CACNA1D: variants seen among roughly 807,000 people sequenced by gnomAD.
The protein encoded by CACNA1D is calcium voltage-gated channel subunit alpha1 D.
A neutral mutation model predicts 257.1 loss-of-function variants in CACNA1D; 55 were observed. The ratio of observed to expected loss-of-function variants is 0.21; its 90% confidence interval spans 0.17 to 0.27. CACNA1D has a LOEUF of 0.27. Among genes scored for constraint, CACNA1D ranks in the 10% least tolerant of loss-of-function variants. CACNA1D has a pLI of 1.00. For synonymous variants in CACNA1D, 980 were observed against 1,014.9 expected, an observed-to-expected ratio of 0.97 and a Z score of 0.65; for missense variants, 1,876 against 2,784.0, an observed-to-expected ratio of 0.67 and a Z score of 7.34.
At position 53,774,924 on chromosome 3, in the gene CACNA1D, G is replaced by A. The variant is rs1271768439; in HGVS notation, c.4202+246G>A. On this transcript the variant is annotated intron_variant, in intron 34 of 47. Coordinates refer to ENST00000350061, the MANE Select transcript of CACNA1D (RefSeq NM_001128840.3). This position sits in a 1 kb window ranked among gnomAD's most constrained non-coding sequence, Gnocchi z 4.3. ...GGCTGGCATAAGGTTTATTCATTTG[G>A]GAGTTAGTAGGGCTACTTAGGCCAC... Among the ~76,000 whole-genome samples the A allele has an allele frequency of 6.6e-6, 1 of 152,192 alleles. No individual in the cohort carries two copies. Among genetic ancestry groups the A allele is most frequent in the Non-Finnish European group, 1.5e-5 (1 of 68,028 alleles).
At chr3:53,530,987 A>C (rs372883769) in intron 3 of CACNA1D, among the ~76,000 whole-genome samples, 4 of 150,538 alleles carry the variant, frequency 2.7e-5, no homozygotes, top group Non-Finnish European at 5.9e-5. Context: ...AGCTGGGACT[A>C]TAAGAGTCCC....
chr3:53,718,288 C>T lies in CACNA1D; in HGVS notation c.1391-13C>T. On this transcript the variant is annotated splice_polypyrimidine_tract_variant and intron_variant, in intron 9 of 47. Transcript: ENST00000350061. ...GCCCCGCATGCTCTCTGAAGCCCGTCTTCTCCCCACAGCTAGCATGCCCAC... is the reference window on the plus strand; with the variant it reads ...GCCCCGCATGCTCTCTGAAGCCCGTTTTCTCCCCACAGCTAGCATGCCCAC... The T allele has an allele frequency of 1.2e-6, 2 of 1,612,270 alleles. No homozygotes were observed. Among genetic ancestry groups the T allele is most frequent in the Non-Finnish European group, 1.7e-6 (2 of 1,178,430 alleles).
At chr3:53,592,609 G>A (rs1276299484) in intron 3 of CACNA1D, among the ~76,000 whole-genome samples, 3 of 152,144 alleles carry the variant, frequency 2.0e-5, no homozygotes, top group Non-Finnish European at 4.4e-5. Flanking sequence ...TTTAAGGAGG[G>A]ACACTTGCCT....
intron 39 of CACNA1D, chr3:53,785,409 G>A (rs1158045807): frequency 6.6e-6 from 1 of 152,130 alleles, no homozygotes; most frequent in Non-Finnish European, 1.5e-5. Context: ...ACACTGAGTG[G>A]CTTCTGACAG....
chr3:53,633,010 C>G (rs2093839604), intron 3 of CACNA1D, among the ~76,000 whole-genome samples: 1 of 152,100 alleles, frequency 6.6e-6, no homozygotes, highest in Non-Finnish European at 1.5e-5. Context: ...ACCAATAGAC[C>G]CGCTTGTTGC....
chr3:53,805,523 T>A (rs1373971926), intron 45 of CACNA1D, among the ~76,000 whole-genome samples: 3 of 152,160 alleles, frequency 2.0e-5, no homozygotes, highest in African/African-American at 7.2e-5. Flanking sequence ...CTGCACTCTG[T>A]GATGGGGTGA....
chr3:53,635,370 G>A (rs1335786276), intron 3 of CACNA1D, among the ~76,000 whole-genome samples: 1 of 152,198 alleles, frequency 6.6e-6, no homozygotes, highest in African/African-American at 2.4e-5. Flanking sequence ...GGCTTAGGGT[G>A]GGGAGGGGAT....
intron 3 of CACNA1D, among the ~76,000 whole-genome samples, chr3:53,634,663 A>C (rs1448199033): frequency 2.6e-5 from 4 of 152,322 alleles, no homozygotes; most frequent in African/African-American, 9.6e-5. Flanking sequence ...CCTTCTGTGT[A>C]ACATTCACAA....
intron 3 of CACNA1D, among the ~76,000 whole-genome samples, chr3:53,576,152 A>T (rs1238189081): frequency 1.3e-5 from 2 of 152,120 alleles, no homozygotes; most frequent in African/African-American, 4.8e-5. Context: ...CCACAGTGGG[A>T]GCATGCTGCT....
At chr3:53,611,250 T>C (rs2093579639) in intron 3 of CACNA1D, among the ~76,000 whole-genome samples, 2 of 152,118 alleles carry the variant, frequency 1.3e-5, no homozygotes, top group Admixed American at 1.3e-4. Flanking sequence ...CTGGGGATGG[T>C]GGCATGTGCC....
At chr3:53,540,040 A>G (rs1182724365) in intron 3 of CACNA1D, among the ~76,000 whole-genome samples, 2 of 147,288 alleles carry the variant, frequency 1.4e-5, no homozygotes, top group African/African-American at 2.5e-5. Flanking sequence ...ACTCTGGCTT[A>G]TCTTCACTTT....
At chr3:53,516,509 G>A (rs753711162) in intron 3 of CACNA1D, among the ~76,000 whole-genome samples, 2 of 152,230 alleles carry the variant, frequency 1.3e-5, no homozygotes, top group African/African-American at 4.8e-5. Context: ...GAAGCCTGGT[G>A]GGGGCACTGG....
chr3:53,678,544 G>A (rs971175566), intron 8 of CACNA1D, among the ~76,000 whole-genome samples: 26 of 152,276 alleles, frequency 1.7e-4, no homozygotes, highest in African/African-American at 5.5e-4. Context: ...TGGATGAAGC[G>A]AAGCATTATA....
intron 5 of CACNA1D, among the ~76,000 whole-genome samples, chr3:53,661,552 T>C (rs1191201532): frequency 6.6e-6 from 1 of 152,248 alleles, no homozygotes; most frequent in Non-Finnish European, 1.5e-5. Flanking sequence ...AGCAAACATG[T>C]TCTTCCAGAT....
intron 3 of CACNA1D, among the ~76,000 whole-genome samples, chr3:53,591,669 G>T (rs912269272): frequency 6.6e-6 from 1 of 152,154 alleles, no homozygotes; most frequent in African/African-American, 2.4e-5. Context: ...CTAGTAATTG[G>T]CAATTATAAT....
rs1317284406 is a variant in CACNA1D at position 53,673,393 on chromosome 3, T to A, written c.1220+267T>A. Among the ~76,000 whole-genome samples, 8 of 152,122 alleles carry A rather than the reference T, an allele frequency of 5.3e-5. No individual in the cohort carries two copies. The highest frequency in any genetic ancestry group is 5.2e-4 in the Admixed American group (8 of 15,262). ...TTTAAACAATTTCCATAGCATGCCCTTTTTTTGTCTGTTCTAAAGTGAGAT... is the reference window on the plus strand; with the variant it reads ...TTTAAACAATTTCCATAGCATGCCCATTTTTTGTCTGTTCTAAAGTGAGAT... On this transcript the variant is annotated intron_variant, in intron 8 of 47. Coordinates refer to ENST00000350061, the MANE Select transcript of CACNA1D (RefSeq NM_001128840.3). The surrounding 1 kb of genome is among the most constrained non-coding windows in gnomAD (Gnocchi z 4.1).
At position 53,682,388 on chromosome 3, in the gene CACNA1D, A is replaced by AAAAC. The variant is rs1553634135; in HGVS notation, c.1220+9265_1220+9266insCAAA. 1.1e-4 allele frequency among the ~76,000 whole-genome samples: 15 copies of AAAAC among 134,114 alleles called. 1 individual carries two copies. Among genetic ancestry groups the AAAAC allele is most frequent in the African/African-American group, 3.9e-4 (14 of 36,258 alleles). The allele number at this position is 134,114 out of a possible 152,430, so 88.0% of individuals were successfully genotyped here. A position where few individuals can be genotyped will look rare whatever the true frequency, so the allele number is the denominator to read the frequency against. ...GGTAAAAAAAAAAAAAAAAAAAAAA[A>AAAAC]AAAAAAAACAGAAGTCTTTTTAGCT... On this transcript the variant is annotated intron_variant, in intron 8 of 47. Transcript: ENST00000350061.
At chr3:53,745,753 A>G (rs766957300) in intron 24 of CACNA1D, 22 bp downstream of exon 24, 6 of 1,603,870 alleles carry the variant, frequency 3.7e-6, no homozygotes, top group Middle Eastern at 1.7e-4. Flanking sequence ...GCCTCCAAGC[A>G]TAAAACTCAG....
chr3:53,727,324 G>C (rs1401436650), intron 15 of CACNA1D, among the ~76,000 whole-genome samples: 1 of 152,192 alleles, frequency 6.6e-6, no homozygotes, highest in Non-Finnish European at 1.5e-5. Flanking sequence ...GGATGGCTGA[G>C]CGCAAGGCCA....
Sources: allele counts gnomAD v4.1 joint callset (sites outside exome capture counted in the v4.1 genomes callset), GRCh38; gene constraint gnomAD v4.1.1; non-coding constraint Gnocchi (gnomAD v3.1); transcripts MANE v1.5; gene names NCBI Gene and HGNC (gene_info 2026-07-23, HGNC 2026-07-21).